The following KCNIP4 variants were observed in gnomAD, a reference collection of about 807,000 sequenced individuals.
The protein encoded by KCNIP4 is Kv channel-interacting protein 4.
Under a neutral mutation model 34.0 loss-of-function variants are expected in KCNIP4, and 12 were observed. The ratio of observed to expected loss-of-function variants is 0.35; its 90% confidence interval spans 0.23 to 0.57. KCNIP4 has a LOEUF of 0.57. Ranked by LOEUF, KCNIP4 falls within the 20% of genes least tolerant of loss-of-function variation. KCNIP4 has a pLI of 0.83. For synonymous variants in KCNIP4, 124 were observed against 102.2 expected (o/e 1.21, Z -1.29); for missense variants, 238 against 311.7 (o/e 0.76, Z 1.78).
chr4:20,903,080 C>T (rs1727345209), intron 1 of KCNIP4, among the ~76,000 whole-genome samples: 1 of 151,954 alleles, frequency 6.6e-6, no homozygotes, highest in African/African-American at 2.4e-5. Flanking sequence ...ATATATGAGG[C>T]CTATACCGGG....
Position 21,833,560 on chromosome 4 carries a change from T to C in KCNIP4, c.61+115011A>G, listed in dbSNP as rs1299946910. Among the ~76,000 whole-genome samples, 3 of 152,322 alleles carry C rather than the reference T, an allele frequency of 2.0e-5. No homozygotes were observed. In the East Asian group the frequency reaches 5.8e-4, roughly 29 times the overall value. On this transcript the variant is annotated intron_variant, in intron 1 of 8. Transcript: ENST00000382152. ...GTAGGTTGCCTGTTCACTCTGATAG[T>C]AGTTTGTTTTGCTGTGCAGAAGCTC...
intron 1 of KCNIP4, among the ~76,000 whole-genome samples, chr4:21,836,779 A>T (rs1453961447): frequency 2.0e-5 from 3 of 152,122 alleles, no homozygotes; most frequent in Non-Finnish European, 4.4e-5. Context: ...CAGGGCCCTG[A>T]AACCAGGATT....
intron 4 of KCNIP4, 124 bp from the exon 5 acceptor site, chr4:20,749,856 C>G: frequency 1.7e-6 from 1 of 580,378 alleles, no homozygotes; most frequent in Non-Finnish European, 3.0e-6. Context: ...TTTGTGCTTT[C>G]TTCACAACTG....
chr4:21,460,156 T>C (rs544108341), intron 1 of KCNIP4, among the ~76,000 whole-genome samples: 3 of 148,408 alleles, frequency 2.0e-5, no homozygotes, highest in African/African-American at 7.3e-5. Context: ...CCTCCATTCA[T>C]TCTGTTCCAG....
chr4:21,428,036 A>T (rs891431066), intron 1 of KCNIP4, among the ~76,000 whole-genome samples: 2 of 151,996 alleles, frequency 1.3e-5, no homozygotes, highest in Non-Finnish European at 2.9e-5. Flanking sequence ...AGGAGAGAGT[A>T]TTTTTTTTAT....
chr4:21,184,821 A>G (rs1182285641), intron 1 of KCNIP4, among the ~76,000 whole-genome samples: 1 of 152,192 alleles, frequency 6.6e-6, no homozygotes, highest in African/African-American at 2.4e-5. Flanking sequence ...TTTCAGTACT[A>G]GCTCTCTACT....
At chr4:20,917,655 GCA>G (rs1222839434) in intron 1 of KCNIP4, among the ~76,000 whole-genome samples, 3 of 152,098 alleles carry the variant, frequency 2.0e-5, no homozygotes, top group South Asian at 4.1e-4. Flanking sequence ...AAGATTGAAA[GCA>G]CAGTCTAAGC....
intron 1 of KCNIP4, among the ~76,000 whole-genome samples, chr4:21,737,628 G>A (rs1344287276): frequency 6.6e-6 from 1 of 152,130 alleles, no homozygotes; most frequent in African/African-American, 2.4e-5. Flanking sequence ...CAGAATGCAG[G>A]ATTCTCTTTT....
intron 1 of KCNIP4, among the ~76,000 whole-genome samples, chr4:21,459,362 C>T (rs1448587878): frequency 1.3e-5 from 2 of 151,986 alleles, no homozygotes; most frequent in Non-Finnish European, 2.9e-5. Flanking sequence ...ATTAGTTTTC[C>T]TATTTCTTCC....
intron 1 of KCNIP4, among the ~76,000 whole-genome samples, chr4:21,138,339 C>T (rs1248734352): frequency 6.6e-6 from 1 of 152,094 alleles, no homozygotes; most frequent in African/African-American, 2.4e-5. Flanking sequence ...TTATACCTTG[C>T]TTGTCAAACT....
chr4:20,807,443 C>A (rs1481652135), intron 3 of KCNIP4, among the ~76,000 whole-genome samples: 1 of 151,800 alleles, frequency 6.6e-6, no homozygotes, highest in Non-Finnish European at 1.5e-5. Context: ...CCAGTTTACC[C>A]CTATTTCCAT....
chr4:21,294,377 C>A (rs1020949549), intron 1 of KCNIP4, among the ~76,000 whole-genome samples: 1 of 152,192 alleles, frequency 6.6e-6, no homozygotes, highest in Non-Finnish European at 1.5e-5. Flanking sequence ...CTCACTACAA[C>A]TGTGTCATCG....
rs552360040 is a variant in KCNIP4, at chr4:21,280,360, G to T, written c.62-397651C>A. ...GAGGTGTAAGGCAGGTAGGAATACA[G>T]TATTGTATTTATTAAACAATATGTC... On this transcript the variant is annotated intron_variant, in intron 1 of 8. Transcript: ENST00000382152. Among the ~76,000 whole-genome samples, 11 of 152,226 alleles carry T rather than the reference G, an allele frequency of 7.2e-5. No homozygotes were observed. In the East Asian group the frequency reaches 2.1e-3, roughly 29 times the overall value.
At chr4:21,233,787 CATT>C (rs1577929556) in intron 1 of KCNIP4, among the ~76,000 whole-genome samples, 1 of 144,986 alleles carries the variant, frequency 6.9e-6, no homozygotes, top group East Asian at 2.1e-4. Flanking sequence ...TACATTAAAA[CATT>C]ATTATATATA....
intron 1 of KCNIP4, among the ~76,000 whole-genome samples, chr4:21,746,537 A>C (rs1210329872): frequency 6.6e-6 from 1 of 152,114 alleles, no homozygotes; most frequent in Non-Finnish European, 1.5e-5. Context: ...TTCAATATTA[A>C]TCAAGATTAT....
chr4:21,503,305 C>T (rs1483769032), intron 1 of KCNIP4, among the ~76,000 whole-genome samples: 3 of 152,078 alleles, frequency 2.0e-5, no homozygotes, highest in African/African-American at 4.8e-5. Flanking sequence ...GCAGTCACAA[C>T]AATTAACTAT....
chr4:21,905,041 A>G (rs2108973312), intron 1 of KCNIP4, among the ~76,000 whole-genome samples: 1 of 152,346 alleles, frequency 6.6e-6, no homozygotes, highest in African/African-American at 2.4e-5. Flanking sequence ...TTATCTCTTC[A>G]ATATTATGCA....
intron 1 of KCNIP4, among the ~76,000 whole-genome samples, chr4:21,222,787 T>A (rs939419929): frequency 6.6e-6 from 1 of 152,236 alleles, no homozygotes; most frequent in African/African-American, 2.4e-5. Flanking sequence ...TAACAGTGGT[T>A]GTACATTTTT....
At chr4:21,576,687 TATTG>T (rs1223301843) in intron 1 of KCNIP4, among the ~76,000 whole-genome samples, 2 of 152,180 alleles carry the variant, frequency 1.3e-5, no homozygotes, top group Non-Finnish European at 2.9e-5. Flanking sequence ...TTATTCCTTT[TATTG>T]ATTTATTACT....
Sources: allele counts gnomAD v4.1 joint callset (sites outside exome capture counted in the v4.1 genomes callset), GRCh38; gene constraint gnomAD v4.1.1; transcripts MANE v1.5; gene names NCBI Gene and HGNC (gene_info 2026-07-23, HGNC 2026-07-21).